Variants in TLN2 observed in about 807,000 individuals in gnomAD.
TLN2 encodes talin-2.
In TLN2, 118 loss-of-function variants were observed where a neutral mutation model predicts 294.7. The observed-to-expected ratio is 0.40, with a 90% CI of 0.34 to 0.47. The LOEUF (loss-of-function observed/expected upper bound fraction) is 0.47. Among genes scored for constraint, TLN2 ranks in the 20% least tolerant of loss-of-function variants. The probability of loss-of-function intolerance (pLI) is 0.84; values close to 1 mark genes in which losing one functional copy is unlikely to be tolerated. For synonymous variants in TLN2, 1,431 were observed against 1,304.5 expected (o/e 1.10, Z -2.09); for missense variants, 3,083 against 3,282.2 (o/e 0.94, Z 1.48).
intron 3 of TLN2, among the ~76,000 whole-genome samples, chr15:62,630,343 A>C: frequency 6.6e-6 from 1 of 152,266 alleles, no homozygotes; most frequent in East Asian, 1.9e-4. Flanking sequence ...CCGGTGAGAA[A>C]GTTGAGGAGG....
chr15:62,749,174 G>T (rs1395195033), intron 33 of TLN2, among the ~76,000 whole-genome samples: 2 of 152,194 alleles, frequency 1.3e-5, no homozygotes, highest in South Asian at 2.1e-4. Context: ...TGGATGATCA[G>T]CATGGGTCTG....
At chr15:62,508,336 C>T (rs528314121) in intron 1 of TLN2, among the ~76,000 whole-genome samples, 1 of 152,288 alleles carries the variant, frequency 6.6e-6, no homozygotes, top group African/African-American at 2.4e-5. Context: ...CCTGCCTCAG[C>T]CTCCCGGGTA....
chr15:62,766,022 T>C (rs2078686012), intron 40 of TLN2, among the ~76,000 whole-genome samples: 1 of 152,240 alleles, frequency 6.6e-6, no homozygotes. Flanking sequence ...CTGTTCCGCA[T>C]GTCTACTAAT....
chr15:62,784,140 TAC>T, intron 45 of TLN2: 1 of 545,684 alleles, frequency 1.8e-6, no homozygotes, highest in Non-Finnish European at 3.1e-6. Flanking sequence ...GGACTTTGTA[TAC>T]AGTGTTCTAT....
chr15:62,832,477 AT>A (rs1212659152), intron 54 of TLN2: 4 of 152,158 alleles, frequency 2.6e-5, no homozygotes, highest in African/African-American at 9.7e-5. Context: ...GCTCCAACCC[AT>A]GAGCCTGGGA....
intron 1 of TLN2, among the ~76,000 whole-genome samples, chr15:62,531,731 T>A (rs1209785487): frequency 6.6e-6 from 1 of 152,220 alleles, no homozygotes; most frequent in African/African-American, 2.4e-5. Flanking sequence ...ATCCATCTTG[T>A]CTTATGTGGC....
intron 1 of TLN2, among the ~76,000 whole-genome samples, chr15:62,443,032 T>G (rs2035634548): frequency 6.6e-6 from 1 of 152,168 alleles, no homozygotes; most frequent in South Asian, 2.1e-4. Context: ...TCCTCCTACC[T>G]CCCCTCTTTT....
intron 1 of TLN2, among the ~76,000 whole-genome samples, chr15:62,487,561 G>A (rs927038320): frequency 2.6e-5 from 4 of 152,096 alleles, no homozygotes; most frequent in Non-Finnish European, 4.4e-5. Context: ...TGCTGGGTGC[G>A]GTGGCTCATG....
At chr15:62,675,176 A>C in intron 10 of TLN2, 41 bp from the exon 11 acceptor site, 1 of 1,590,218 alleles carries the variant, frequency 6.3e-7, no homozygotes, top group Non-Finnish European at 8.6e-7. Flanking sequence ...ACCTGCTGGC[A>C]GAGATGCAAT....
At chr15:62,833,347 C>G in intron 54 of TLN2, 157 bp from the exon 55 acceptor site, 1 of 1,169,842 alleles carries the variant, frequency 8.5e-7, no homozygotes, top group Non-Finnish European at 1.2e-6. Flanking sequence ...GACCTGTCAT[C>G]TGCTTCTTGT....
At chr15:62,391,014 G>T (rs1158476609) in intron 1 of TLN2, among the ~76,000 whole-genome samples, 1 of 152,244 alleles carries the variant, frequency 6.6e-6, no homozygotes, top group African/African-American at 2.4e-5. Flanking sequence ...CCTGGCCGTG[G>T]GCAGCCGGTC....
chr15:62,528,280 G>A (rs1303908901), intron 1 of TLN2, among the ~76,000 whole-genome samples: 2 of 152,128 alleles, frequency 1.3e-5, no homozygotes, highest in Non-Finnish European at 2.9e-5. Flanking sequence ...TGCTATGGTA[G>A]CCTCCAAGGA....
At chr15:62,740,920 T>C (rs1230653602) in intron 32 of TLN2, 151 bp downstream of exon 32, 2 of 953,528 alleles carry the variant, frequency 2.1e-6, no homozygotes, top group Non-Finnish European at 3.0e-6. Flanking sequence ...ATGGACACTC[T>C]GATATTTTAT....
intron 1 of TLN2, among the ~76,000 whole-genome samples, chr15:62,525,784 C>T (rs912986918): frequency 2.0e-5 from 3 of 152,174 alleles, no homozygotes; most frequent in African/African-American, 7.2e-5. Context: ...GCTGCCCTCA[C>T]CTGTTCCCCC....
intron 1 of TLN2, among the ~76,000 whole-genome samples, chr15:62,422,494 A>G (rs2140274234): frequency 6.6e-6 from 1 of 152,338 alleles, no homozygotes; most frequent in Non-Finnish European, 1.5e-5. Flanking sequence ...TTACTGTATT[A>G]CAGTAATTGT....
chr15:62,699,754 C>T (rs1303966218), intron 16 of TLN2, among the ~76,000 whole-genome samples: 1 of 152,258 alleles, frequency 6.6e-6, no homozygotes, highest in East Asian at 1.9e-4. Context: ...CTAGCGCTGT[C>T]ATTCTCAACC....
rs1257691362 is a variant in TLN2 at position 62,494,580 on chromosome 15, T to C, written c.-237-95107T>C. On this transcript the variant is annotated intron_variant, in intron 1 of 58. Transcript: ENST00000636159. Reference sequence around the variant, plus strand: ...TTCAAGAGTCATGTTTCCCCAGATGTGATTAAATTGTCCGTAACTTTTAAC... The same window carrying C: ...TTCAAGAGTCATGTTTCCCCAGATGCGATTAAATTGTCCGTAACTTTTAAC... Among the ~76,000 whole-genome samples, 16 of 152,214 alleles carry C rather than the reference T, an allele frequency of 1.1e-4. 1 individual carries two copies.
intron 1 of TLN2, among the ~76,000 whole-genome samples, chr15:62,448,303 C>T (rs1289984313): frequency 6.6e-6 from 1 of 152,216 alleles, no homozygotes; most frequent in African/African-American, 2.4e-5. Flanking sequence ...TGAACAAGTA[C>T]ATCCCAATGC....
chr15:62,551,137 C>G (rs1381476536), intron 1 of TLN2, among the ~76,000 whole-genome samples: 3 of 152,100 alleles, frequency 2.0e-5, no homozygotes, highest in Admixed American at 6.5e-5. Context: ...CTATGAGAAT[C>G]TAATGCTGCC....
Sources: allele counts gnomAD v4.1 joint callset (sites outside exome capture counted in the v4.1 genomes callset), GRCh38; gene constraint gnomAD v4.1.1; transcripts MANE v1.5; gene names NCBI Gene and HGNC (gene_info 2026-07-23, HGNC 2026-07-21).